The following EYA2 variants were observed in gnomAD, a reference collection of about 807,000 sequenced individuals.
The protein encoded by EYA2 is protein phosphatase EYA2.
A neutral mutation model predicts 69.2 loss-of-function variants in EYA2; 31 were observed. That is an observed-to-expected ratio of 0.45 (90% confidence interval 0.34 to 0.60). EYA2 has a LOEUF of 0.60. Ranked by LOEUF, EYA2 falls within the 20% of genes least tolerant of loss-of-function variation. EYA2 has a pLI of 0.02. For synonymous variants in EYA2, 257 were observed against 279.4 expected (o/e 0.92, Z 0.80); for missense variants, 622 against 701.2 (o/e 0.89, Z 1.28).
chr20:47,013,643 G>A (rs184149141), intron 4 of EYA2, among the ~76,000 whole-genome samples: 377 of 152,324 alleles, frequency 2.5e-3, no homozygotes, highest in African/African-American at 5.0e-3. Context: ...CTAAAACAGA[G>A]TGTCTGAGCA....
chr20:46,984,022 A>G (rs1259056369), intron 1 of EYA2, among the ~76,000 whole-genome samples: 1 of 152,200 alleles, frequency 6.6e-6, no homozygotes, highest in Non-Finnish European at 1.5e-5. Flanking sequence ...ACTCAGTTGG[A>G]CAGTTTAATA....
intron 2 of EYA2, among the ~76,000 whole-genome samples, chr20:46,993,645 C>T (rs1299558099): frequency 6.6e-6 from 1 of 152,198 alleles, no homozygotes; most frequent in Admixed American, 6.5e-5. Context: ...ATGGAGCCCA[C>T]GCTAGGGTGC....
intron 1 of EYA2, among the ~76,000 whole-genome samples, chr20:46,910,227 A>G (rs757243278): frequency 7.9e-5 from 12 of 152,266 alleles, no homozygotes; most frequent in Non-Finnish European, 1.5e-4. Flanking sequence ...GAAACTTACA[A>G]TCATGGTGGG....
intron 10 of EYA2, among the ~76,000 whole-genome samples, chr20:47,163,053 A>T (rs2146637109): frequency 6.6e-6 from 1 of 150,384 alleles, no homozygotes; most frequent in South Asian, 2.1e-4. Flanking sequence ...TTTTTTAAAC[A>T]GAGTCTTGCT....
intron 9 of EYA2, among the ~76,000 whole-genome samples, chr20:47,121,557 A>G (rs1353552633): frequency 1.3e-5 from 2 of 152,182 alleles, no homozygotes; most frequent in African/African-American, 4.8e-5. Context: ...AGTTTGTAGC[A>G]TATAATCCAT....
intron 9 of EYA2, among the ~76,000 whole-genome samples, chr20:47,130,261 C>CTTTTTTTTTTTTTTTTTTTTTTTTTTTTT (rs74178703): frequency 1.2e-5 from 1 of 81,260 alleles, no homozygotes; most frequent in Non-Finnish European, 2.2e-5. Context: ...GGTTTATTTT[C>CTTTTTTTTTTTTTTTTTTTTTTTTTTTTT]TTTTTTTTTT....
At chr20:46,923,204 C>A (rs751269300) in intron 1 of EYA2, among the ~76,000 whole-genome samples, 2 of 152,204 alleles carry the variant, frequency 1.3e-5, no homozygotes, top group South Asian at 4.2e-4. Flanking sequence ...CCTGTCTCTA[C>A]TAAAAATACA....
intron 5 of EYA2, among the ~76,000 whole-genome samples, chr20:47,046,975 G>A (rs2030071473): frequency 6.6e-6 from 1 of 152,168 alleles, no homozygotes; most frequent in Non-Finnish European, 1.5e-5. Context: ...GCTGGGGTAT[G>A]ATATCTGTCT....
At chr20:47,092,731 A>G (rs2032122862) in intron 8 of EYA2, among the ~76,000 whole-genome samples, 1 of 152,180 alleles carries the variant, frequency 6.6e-6, no homozygotes. Context: ...ATTTCAGCAT[A>G]AGTACCACTG....
intron 1 of EYA2, among the ~76,000 whole-genome samples, chr20:46,914,826 C>T (rs1175140463): frequency 6.6e-6 from 1 of 152,174 alleles, no homozygotes; most frequent in African/African-American, 2.4e-5. Context: ...TAGCACTGTG[C>T]CAGCCCCATC....
intron 10 of EYA2, among the ~76,000 whole-genome samples, chr20:47,152,815 AAAAAAAAAG>A (rs1248697280): frequency 6.6e-6 from 1 of 151,268 alleles, no homozygotes; most frequent in Non-Finnish European, 1.5e-5. Context: ...AGTCTCAAAA[AAAAAAAAAG>A]AAAGAAAAGA....
intron 10 of EYA2, among the ~76,000 whole-genome samples, chr20:47,164,487 GT>G (rs1281244172): frequency 6.6e-6 from 1 of 152,230 alleles, no homozygotes; most frequent in East Asian, 1.9e-4. Context: ...GGCGGAGGGG[GT>G]GTTTTTCCAG....
chr20:47,013,078 T>C (rs1247789197), intron 4 of EYA2, among the ~76,000 whole-genome samples: 1 of 152,252 alleles, frequency 6.6e-6, no homozygotes, highest in East Asian at 1.9e-4. Context: ...TGAAAAACTT[T>C]ATTTTCTTTT....
At chr20:47,184,947 TA>T in intron 15 of EYA2, among the ~76,000 whole-genome samples, 1 of 152,164 alleles carries the variant, frequency 6.6e-6, no homozygotes, top group African/African-American at 2.4e-5. Context: ...AGAACTCCCA[TA>T]AAAGTCCCAG....
chr20:46,965,591 C>T (rs952990665), intron 1 of EYA2, among the ~76,000 whole-genome samples: 2 of 152,238 alleles, frequency 1.3e-5, no homozygotes. Context: ...CCTAAGCGTG[C>T]CTTCTTCCCA....
Position 47,121,408 on chromosome 20 carries a change from C to T in EYA2, c.889-21651C>T, listed in dbSNP as rs562030705. Among the ~76,000 whole-genome samples the T allele has an allele frequency of 9.2e-5, 14 of 152,158 alleles. No homozygotes were observed. The South Asian group carries it at 1.7e-3, about 18-fold the overall frequency. ...GTGCCCCGCCAGAATTCAATGTTTT[C>T]GTAGGGGTAGTTATTTCATCTTGGG... is the stretch of plus-strand genomic sequence containing the variant. On this transcript the variant is annotated intron_variant, in intron 9 of 15. Transcript: ENST00000327619.
At chr20:47,142,210 C>G (rs191605054) in intron 9 of EYA2, among the ~76,000 whole-genome samples, 1 of 152,186 alleles carries the variant, frequency 6.6e-6, no homozygotes, top group Non-Finnish European at 1.5e-5. Flanking sequence ...AAGCAGCAGG[C>G]CAGGTATGGC....
intron 4 of EYA2, among the ~76,000 whole-genome samples, chr20:47,011,787 C>T (rs559705809): frequency 1.3e-5 from 2 of 152,258 alleles, no homozygotes; most frequent in South Asian, 4.1e-4. Flanking sequence ...ACTTTGCTAC[C>T]TCCTTCCCTG....
rs1439915205 is a variant in EYA2 at position 46,977,416 on chromosome 20, C to CCT, written c.-10-12585_-10-12584insCT. ...ACCTGTTGAGGAATTCCTACTAAGTCTGGATAGCAAATCCCACTCTGAAAT... is the reference window on the plus strand; with the variant it reads ...ACCTGTTGAGGAATTCCTACTAAGTCCTTGGATAGCAAATCCCACTCTGAAAT... On this transcript the variant is annotated intron_variant, in intron 1 of 15. Coordinates refer to ENST00000327619, the MANE Select transcript of EYA2 (RefSeq NM_005244.5). 2.6e-5 allele frequency among the ~76,000 whole-genome samples: 4 copies of CCT among 152,188 alleles called. 1 individual carries two copies. The highest frequency in any genetic ancestry group is 4.4e-5 in the Non-Finnish European group (3 of 68,032).
Sources: allele counts gnomAD v4.1 joint callset (sites outside exome capture counted in the v4.1 genomes callset), GRCh38; gene constraint gnomAD v4.1.1; transcripts MANE v1.5; gene names NCBI Gene and HGNC (gene_info 2026-07-23, HGNC 2026-07-21).